The following NAGK variants were observed in gnomAD, a reference collection of about 807,000 sequenced individuals.
The protein encoded by NAGK is N-acetylglucosamine kinase.
NAGK carries 35 observed loss-of-function variants against 42.9 expected under a neutral mutation model. That is an observed-to-expected ratio of 0.82 (90% CI 0.62 to 1.08). The LOEUF (loss-of-function observed/expected upper bound fraction) is 1.08. NAGK is among the 50% of genes least tolerant of loss of function. The pLI, the probability that NAGK is intolerant of heterozygous loss-of-function variation, is 0.00. For missense variants in NAGK, 446 were observed against 446.0 expected, an observed-to-expected ratio of 1.00 and a Z score of 0.00; for synonymous variants, 172 against 176.0, an observed-to-expected ratio of 0.98 and a Z score of 0.18.
At chr2:71,075,784 T>C in intron 7 of NAGK, 142 bp downstream of exon 7, 1 of 800,168 alleles carries the variant, frequency 1.2e-6, no homozygotes. Context: ...CTGGCCTTGG[T>C]GGTGGTGGGC....
rs1032536110 is a variant in NAGK, at chr2:71,072,441, G to T, written c.356-200G>T. 4 of 541,664 alleles carry T rather than the reference G, an allele frequency of 7.4e-6. No individual in the cohort carries two copies. In the East Asian group the frequency reaches 9.7e-5, roughly 13 times the overall value. The allele number at this position is 541,664 out of a possible 1,614,324, so 33.6% of individuals were successfully genotyped here. Reference sequence around the variant, plus strand: ...TTTCTCTTTGTCCCCCTAGACGAGGGCGTTATGGGATTAGAGTTTTTCTGA... The same window carrying T: ...TTTCTCTTTGTCCCCCTAGACGAGGTCGTTATGGGATTAGAGTTTTTCTGA... On this transcript the variant is annotated intron_variant, in intron 4 of 9. Coordinates refer to ENST00000244204, the MANE Select transcript of NAGK (RefSeq NM_017567.6).
chr2:71,072,437 G>A (rs1672050775), intron 4 of NAGK: 1 of 536,038 alleles, frequency 1.9e-6, no homozygotes, highest in Non-Finnish European at 3.4e-6. Context: ...CCCCCTAGAC[G>A]AGGGCGTTAT....
intron 6 of NAGK, chr2:71,075,329 T>C (rs1159266034): frequency 1.0e-5 from 5 of 487,416 alleles, no homozygotes; most frequent in Non-Finnish European, 1.8e-5. Context: ...CACAAATCTG[T>C]TCTCTGTGCT....
chr2:71,076,326 C>T lies in NAGK; in HGVS notation c.668-278C>T, dbSNP rs190007706. ...GTGTGAGCTGGATGCATACTAGGTG[C>T]CAGTGCATTCCTTTAGTGGGTGCTG... On this transcript the variant is annotated intron_variant, in intron 7 of 9. Coordinates refer to ENST00000244204, the MANE Select transcript of NAGK (RefSeq NM_017567.6). 3 of 324,704 alleles carry T rather than the reference C, an allele frequency of 9.2e-6. No homozygotes were observed. In the Admixed American group the frequency reaches 1.4e-4, roughly 15 times the overall value. 20.1% of individuals were successfully genotyped at this position (324,704 alleles called of 1,614,324 possible). A position where few individuals can be genotyped will look rare whatever the true frequency, so the allele number is the denominator to read the frequency against.
rs1464656920 is a variant in NAGK at position 71,072,755 on chromosome 2, A to G, written c.466+4A>G. The G allele has an allele frequency of 6.2e-7, 1 of 1,611,854 alleles. No individual in the cohort carries two copies. Among genetic ancestry groups the G allele is most frequent in the South Asian group, 1.1e-5 (1 of 90,926 alleles). On this transcript the variant is annotated splice_donor_region_variant and intron_variant, in intron 5 of 9. Transcript: ENST00000244204. ...ATGATGGGTGATGAGGGTTCAGGTG[A>G]GCTCACTGACTGGCCCAGCTCCAGG... is the stretch of plus-strand genomic sequence containing the variant.
Position 71,072,659 on chromosome 2 carries a change from C to T in NAGK, c.374C>T (p.Ser125Phe). 6.2e-7 allele frequency: 1 copy of T among 1,614,110 alleles called. No individual in the cohort carries two copies. Among genetic ancestry groups the T allele is most frequent in the Non-Finnish European group, 8.5e-7 (1 of 1,179,944 alleles). Reference sequence around the variant, plus strand: ...TCCCCAGGTGGAGTTGTGCTCATATCTGGAACAGGCTCCAACTGCAGGCTC... The same window carrying T: ...TCCCCAGGTGGAGTTGTGCTCATATTTGGAACAGGCTCCAACTGCAGGCTC... ...ATPDGGVVLISGTGSNCRLIN... is the reference protein window; with the variant it reads ...ATPDGGVVLIFGTGSNCRLIN... Residue 125 changes from serine to phenylalanine, a missense_variant, in exon 5 of 10, where the codon TCT (serine) becomes TTT (phenylalanine). Coordinates refer to ENST00000244204, the MANE Select transcript of NAGK (RefSeq NM_017567.6).
rs770819304 is a variant in NAGK at position 71,077,638 on chromosome 2, T to C, written c.844+2T>C. ...AGAGCTGGGAGCTGCTGAAGGAAGG[T>C]GAGCCTGGGGGGAGGCTGGAAGGGC... is the stretch of plus-strand genomic sequence containing the variant. On this transcript the variant is annotated splice_donor_variant, in intron 9 of 9. Coordinates refer to ENST00000244204, the MANE Select transcript of NAGK (RefSeq NM_017567.6). LOFTEE classifies it high-confidence loss of function. The C allele has an allele frequency of 2.5e-6, 4 of 1,602,824 alleles. No individual in the cohort carries two copies. The Admixed American group carries it at 6.8e-5, about 27-fold the overall frequency.
chr2:71,069,990 A>T (rs1671938758), intron 1 of NAGK: 1 of 161,214 alleles, frequency 6.2e-6, no homozygotes, highest in African/African-American at 2.4e-5. Flanking sequence ...ATTGTGAGGG[A>T]AGCAGAGAGA....
Position 71,073,613 on chromosome 2 carries a change from G to A in NAGK, c.579+19G>A, listed in dbSNP as rs1376732791. ...TTTCCAGGTACTCCTCCTGCTCCCA[G>A]TAAACATGCGCACCTGGGGTAGGGC... On this transcript the variant is annotated intron_variant, in intron 6 of 9. Transcript: ENST00000244204. The A allele has an allele frequency of 6.4e-7, 1 of 1,571,184 alleles. No homozygotes were observed. The highest frequency in any genetic ancestry group is 2.2e-5 in the East Asian group (1 of 44,664).
intron 9 of NAGK, among the ~76,000 whole-genome samples, 189 bp downstream of exon 9, chr2:71,077,825 C>T (rs963018968): frequency 6.6e-6 from 1 of 152,190 alleles, no homozygotes; most frequent in African/African-American, 2.4e-5. Context: ...GTCCCATCCA[C>T]CTTCCTTGAA....
rs1290718367 is a variant in NAGK at position 71,075,653 on chromosome 2, T to G, written c.667+11T>G. On this transcript the variant is annotated intron_variant, in intron 7 of 9. Coordinates refer to ENST00000244204, the MANE Select transcript of NAGK (RefSeq NM_017567.6). Reference sequence around the variant, plus strand: ...GGAAAATTGCAGAAGGTACTGGAGGTGGGGGGTGGGTTTTATCTGGCTTTG... The same window carrying G: ...GGAAAATTGCAGAAGGTACTGGAGGGGGGGGGTGGGTTTTATCTGGCTTTG... The G allele has an allele frequency of 6.3e-7, 1 of 1,576,976 alleles. No homozygotes were observed. The highest frequency in any genetic ancestry group is 8.7e-7 in the Non-Finnish European group (1 of 1,146,982).
rs1249171077 is a variant in NAGK at position 71,079,108 on chromosome 2, A to G, written c.*600A>G. On this transcript the variant is annotated 3_prime_UTR_variant, in exon 10 of 10. Transcript: ENST00000244204. ...GGACATTTTGAAGTTTTTCCTATGA[A>G]TGAGTTTTTGAAAGGTTATGAGGAT... 6.6e-6 allele frequency: 1 copy of G among 152,440 alleles called. No individual in the cohort carries two copies. The highest frequency in any genetic ancestry group is 2.4e-5 in the African/African-American group (1 of 41,438). 9.4% of individuals were successfully genotyped at this position (152,440 alleles called of 1,614,324 possible). A position where few individuals can be genotyped will look rare whatever the true frequency, so the allele number is the denominator to read the frequency against.
chr2:71,071,947 C>G (rs1672029508), intron 4 of NAGK, 120 bp downstream of exon 4: 1 of 1,316,760 alleles, frequency 7.6e-7, no homozygotes, highest in African/African-American at 1.5e-5. Context: ...ATATTCCCCT[C>G]AACTCTTTAA....
intron 5 of NAGK, 160 bp from the exon 6 acceptor site, chr2:71,073,322 C>T: frequency 2.3e-6 from 1 of 433,332 alleles, no homozygotes; most frequent in Non-Finnish European, 4.5e-6. Flanking sequence ...AGAGACCCTC[C>T]CACCCCCCTC....
chr2:71,072,271 G>A, intron 4 of NAGK: 1 of 270,282 alleles, frequency 3.7e-6, no homozygotes, highest in Non-Finnish European at 7.2e-6. Flanking sequence ...ATAAAATAGA[G>A]GAAGTTGTAT....
chr2:71,072,826 C>G, intron 5 of NAGK, 75 bp downstream of exon 5: 1 of 1,382,600 alleles, frequency 7.2e-7, no homozygotes, highest in Non-Finnish European at 1.0e-6. Context: ...CTCTCCTTAG[C>G]CTTGGCTCAC....
At chr2:71,076,278 A>G (rs1016594472) in intron 7 of NAGK, 2 of 218,982 alleles carry the variant, frequency 9.1e-6, no homozygotes, top group Non-Finnish European at 1.8e-5. Context: ...ACAGCCTCAT[A>G]GGAACAGACT....
chr2:71,070,380 T>G (rs938564644), intron 1 of NAGK, 122 bp from the exon 2 acceptor site: 2 of 710,226 alleles, frequency 2.8e-6, no homozygotes. Context: ...TTGGGAGTGG[T>G]GATTGAGTTT....
chr2:71,076,766 A>G (rs925963544), intron 8 of NAGK, 65 bp downstream of exon 8: 1 of 1,350,778 alleles, frequency 7.4e-7, no homozygotes, highest in South Asian at 1.2e-5. Flanking sequence ...CCCACTGTGG[A>G]TGGGACTATC....
Sources: allele counts gnomAD v4.1 joint callset (sites outside exome capture counted in the v4.1 genomes callset), GRCh38; gene constraint gnomAD v4.1.1; transcripts MANE v1.5; gene names NCBI Gene and HGNC (gene_info 2026-07-23, HGNC 2026-07-21).